CAMK1D: variants seen among roughly 807,000 people sequenced by gnomAD.
CAMK1D encodes the protein calcium/calmodulin dependent protein kinase ID, also known as calcium/calmodulin-dependent protein kinase type 1D.
A neutral mutation model predicts 47.7 loss-of-function variants in CAMK1D; 9 were observed. The observed-to-expected ratio is 0.19, with a 90% CI of 0.11 to 0.33. The LOEUF is 0.33. Ranked by LOEUF, CAMK1D falls within the 10% of genes least tolerant of loss-of-function variation. The pLI is 1.00. For synonymous variants in CAMK1D, 184 were observed against 184.9 expected, an observed-to-expected ratio of 0.99 and a Z score of 0.04; for missense variants, 291 against 488.7, an observed-to-expected ratio of 0.60 and a Z score of 3.81.
chr10:12,405,288 A>G (rs1035013702), intron 1 of CAMK1D, among the ~76,000 whole-genome samples: 5 of 152,198 alleles, frequency 3.3e-5, no homozygotes, highest in Non-Finnish European at 7.3e-5. Context: ...TTCCATGCCC[A>G]TGGTCAGAGA....
At chr10:12,423,491 G>A (rs1004890818) in intron 1 of CAMK1D, among the ~76,000 whole-genome samples, 1 of 151,606 alleles carries the variant, frequency 6.6e-6, no homozygotes, top group African/African-American at 2.4e-5. Context: ...CTCCAGCCCA[G>A]GGGACAGAGT....
chr10:12,657,160 C>G (rs1318348627), intron 2 of CAMK1D, among the ~76,000 whole-genome samples: 2 of 152,162 alleles, frequency 1.3e-5, no homozygotes, highest in Admixed American at 1.3e-4. Context: ...GGCACGGTGG[C>G]TCATGCCTGT....
chr10:12,825,058 T>C (rs1010754833), intron 9 of CAMK1D, among the ~76,000 whole-genome samples: 1 of 152,238 alleles, frequency 6.6e-6, no homozygotes, highest in South Asian at 2.1e-4. Context: ...TGAGGGCCAA[T>C]GGTGAAAGAT....
chr10:12,774,811 G>C (rs1001693120), intron 5 of CAMK1D, among the ~76,000 whole-genome samples: 2 of 152,236 alleles, frequency 1.3e-5, no homozygotes, highest in African/African-American at 2.4e-5. Flanking sequence ...TAGGTTGCGC[G>C]CTCCTTTTGA....
At chr10:12,532,325 G>C (rs1166169034) in intron 1 of CAMK1D, among the ~76,000 whole-genome samples, 5 of 151,154 alleles carry the variant, frequency 3.3e-5, no homozygotes, top group Non-Finnish European at 7.4e-5. Flanking sequence ...TGTCGCCCAG[G>C]CTGGAGTGCA....
chr10:12,420,680 G>A (rs1046621512), intron 1 of CAMK1D, among the ~76,000 whole-genome samples: 1 of 152,090 alleles, frequency 6.6e-6, no homozygotes, highest in African/African-American at 2.4e-5. Flanking sequence ...AAGGTTTCAG[G>A]GGTTTCAGGA....
rs75424328 is a variant in CAMK1D, at chr10:12,468,674, A to G, written c.93-84551A>G. On this transcript the variant is annotated intron_variant, in intron 1 of 10. Coordinates refer to ENST00000619168, the MANE Select transcript of CAMK1D (RefSeq NM_153498.4). ...CCTCTGGTGGGGGCCCTTTGTGCCT[A>G]TAACCCCCCATGACCCTGCCCTCCA... Among the ~76,000 whole-genome samples the G allele has an allele frequency of 6.3e-3, 964 of 152,254 alleles. 15 individuals are homozygous for G. The highest frequency in any genetic ancestry group is 0.021 in the African/African-American group (887 of 41,546).
intron 2 of CAMK1D, among the ~76,000 whole-genome samples, chr10:12,617,294 A>G (rs995155601): frequency 6.6e-6 from 1 of 152,192 alleles, no homozygotes; most frequent in African/African-American, 2.4e-5. Context: ...AGTAATGTGT[A>G]TTCCTAGAAG....
chr10:12,663,788 T>C (rs1171485119), intron 2 of CAMK1D, among the ~76,000 whole-genome samples: 1 of 152,190 alleles, frequency 6.6e-6, no homozygotes, highest in Non-Finnish European at 1.5e-5. Flanking sequence ...GCACAATGCA[T>C]GGATAGTCGT....
At position 12,700,441 on chromosome 10, in the gene CAMK1D, GC is replaced by G. The variant is rs905500398; in HGVS notation, c.299+33636del. 1.2e-4 allele frequency among the ~76,000 whole-genome samples: 19 copies of G among 152,204 alleles called. 1 individual carries two copies. Among genetic ancestry groups the G allele is most frequent in the Admixed American group, 7.2e-4 (11 of 15,292 alleles). ...TGAGAACAGCAGCATGGGGGTAACCGCCCCCATGATTCAACTACCGCCCACT... is the reference window on the plus strand; with the variant it reads ...TGAGAACAGCAGCATGGGGGTAACCGCCCCATGATTCAACTACCGCCCACT... On this transcript the variant is annotated intron_variant, in intron 3 of 10. Transcript: ENST00000619168.
chr10:12,357,992 T>G (rs1837564701), intron 1 of CAMK1D, among the ~76,000 whole-genome samples: 1 of 152,188 alleles, frequency 6.6e-6, no homozygotes, highest in Non-Finnish European at 1.5e-5. Context: ...CAGACCAAGT[T>G]CATTTTATAT....
chr10:12,367,959 G>A (rs1211545754), intron 1 of CAMK1D, among the ~76,000 whole-genome samples: 1 of 152,066 alleles, frequency 6.6e-6, no homozygotes, highest in Non-Finnish European at 1.5e-5. Flanking sequence ...TTGGGAGGCC[G>A]AGGCGGGTGG....
chr10:12,528,977 A>T (rs1835717327), intron 1 of CAMK1D, among the ~76,000 whole-genome samples: 1 of 150,966 alleles, frequency 6.6e-6, no homozygotes. Context: ...CCTGGACTTG[A>T]TAGTGTCTCA....
At chr10:12,615,531 T>C (rs533293279) in intron 2 of CAMK1D, among the ~76,000 whole-genome samples, 1 of 148,372 alleles carries the variant, frequency 6.7e-6, no homozygotes, top group African/African-American at 2.6e-5. Context: ...TATCGGTGTG[T>C]GTGCATGTGT....
At chr10:12,556,372 G>C (rs971035458) in intron 2 of CAMK1D, among the ~76,000 whole-genome samples, 2 of 152,174 alleles carry the variant, frequency 1.3e-5, no homozygotes, top group Admixed American at 1.3e-4. Flanking sequence ...TGCCCTCTGG[G>C]AGCTCACAGT....
At chr10:12,649,441 G>A (rs1055720663) in intron 2 of CAMK1D, among the ~76,000 whole-genome samples, 2 of 152,186 alleles carry the variant, frequency 1.3e-5, no homozygotes, top group Non-Finnish European at 2.9e-5. Context: ...CTGCGTCCAC[G>A]GAAATTCCAC....
chr10:12,730,860 C>T (rs1834852231), intron 3 of CAMK1D, among the ~76,000 whole-genome samples: 1 of 152,152 alleles, frequency 6.6e-6, no homozygotes, highest in African/African-American at 2.4e-5. Context: ...GTGATTCTGA[C>T]AAAAACGCTG....
At chr10:12,541,112 G>A (rs1381825225) in intron 1 of CAMK1D, among the ~76,000 whole-genome samples, 1 of 152,128 alleles carries the variant, frequency 6.6e-6, no homozygotes, top group Non-Finnish European at 1.5e-5. Context: ...GCCTGTGAAA[G>A]CAAGTCTTTT....
chr10:12,799,414 A>G (rs575218619), intron 6 of CAMK1D, among the ~76,000 whole-genome samples: 1 of 152,180 alleles, frequency 6.6e-6, no homozygotes, highest in Admixed American at 6.5e-5. Context: ...GGAGGGAGGG[A>G]AAGAGGGAGA....
Sources: allele counts gnomAD v4.1 joint callset (sites outside exome capture counted in the v4.1 genomes callset), GRCh38; gene constraint gnomAD v4.1.1; transcripts MANE v1.5; gene names NCBI Gene and HGNC (gene_info 2026-07-23, HGNC 2026-07-21).